REG4: variants seen among roughly 807,000 people sequenced by gnomAD.
REG4 encodes the protein regenerating islet-derived protein 4.
In REG4, 16 loss-of-function variants were observed where a neutral mutation model predicts 22.3. That is an observed-to-expected ratio of 0.72 (90% CI 0.49 to 1.09). The LOEUF is 1.09. REG4 is among the 50% of genes least tolerant of loss of function. The probability of loss-of-function intolerance (pLI) is 0.00; values close to 1 mark genes in which losing one functional copy is unlikely to be tolerated. For missense variants in REG4, 214 were observed against 193.9 expected (o/e 1.10, Z -0.61); for synonymous variants, 71 against 69.2 (o/e 1.03, Z -0.13).
chr1:119,808,606 G>A lies in REG4; in HGVS notation c.67+97C>T. 8 of 842,934 alleles carry A rather than the reference G, an allele frequency of 9.5e-6. No individual in the cohort carries two copies. The South Asian group carries it at 1.2e-4, about 13-fold the overall frequency. 52.2% of individuals were successfully genotyped at this position (842,934 alleles called of 1,614,324 possible). ...CATGTTTAAAAACCTATTTCCTGCA[G>A]TTCCTAAATGTTTTTGTGGGCAAAT... On this transcript the variant is annotated intron_variant, in intron 2 of 5. Transcript: ENST00000256585.
intron 3 of REG4, among the ~76,000 whole-genome samples, chr1:119,800,241 A>G (rs1654057098): frequency 6.6e-6 from 1 of 152,220 alleles, no homozygotes; most frequent in African/African-American, 2.4e-5. Context: ...GTATTATAGT[A>G]CTGCATTTCA....
intron 3 of REG4, among the ~76,000 whole-genome samples, chr1:119,800,101 C>T (rs587649935): frequency 7.9e-5 from 12 of 152,274 alleles, no homozygotes; most frequent in East Asian, 1.9e-4. Flanking sequence ...GGTCTGAGGA[C>T]GTGCCCGGGG....
chr1:119,803,183 G>T lies in REG4; in HGVS notation c.68-18C>A, dbSNP rs1571068350. ...GATGATATCTGCACATAAACAAAAG[G>T]CAATTGCACATTATGATAGCAAAAA... On this transcript the variant is annotated intron_variant, in intron 2 of 5. Transcript: ENST00000256585. The T allele has an allele frequency of 4.7e-6, 7 of 1,502,274 alleles. No individual in the cohort carries two copies. Among genetic ancestry groups the T allele is most frequent in the Non-Finnish European group, 6.2e-6 (7 of 1,126,194 alleles). The allele number at this position is 1,502,274 out of a possible 1,614,324, so 93.1% of individuals were successfully genotyped here. A position where few individuals can be genotyped will look rare whatever the true frequency, so the allele number is the denominator to read the frequency against.
In REG4 at chr1:119,800,046, G is replaced by A. The variant is rs587667632; in HGVS notation, c.166-184C>T. On this transcript the variant is annotated intron_variant, in intron 3 of 5. Transcript: ENST00000256585. ...AAAAAACACAACTGCTGCAGCGTTC[G>A]GTCTCAGAGAAAGAGGCAGTACAAG... 4.6e-5 allele frequency among the ~76,000 whole-genome samples: 7 copies of A among 152,258 alleles called. No homozygotes were observed. In the East Asian group the frequency reaches 7.7e-4, roughly 17 times the overall value.
At chr1:119,805,233 T>C (rs976046630) in intron 2 of REG4, among the ~76,000 whole-genome samples, 1 of 152,192 alleles carries the variant, frequency 6.6e-6, no homozygotes, top group African/African-American at 2.4e-5. Flanking sequence ...TGGCCATTGA[T>C]TACCAGAGGG....
intron 3 of REG4, chr1:119,802,240 T>C (rs1654131966): frequency 2.6e-6 from 2 of 783,584 alleles, no homozygotes; most frequent in African/African-American, 1.9e-5. Context: ...GGGAAAGTCA[T>C]TTATACTCAT....
At chr1:119,796,822 C>T (rs890582093) in intron 5 of REG4, among the ~76,000 whole-genome samples, 4 of 152,298 alleles carry the variant, frequency 2.6e-5, no homozygotes, top group South Asian at 2.1e-4. Context: ...GGCAACTTCG[C>T]TACTGAATTT....
intron 4 of REG4, among the ~76,000 whole-genome samples, chr1:119,799,413 C>T (rs1053167547): frequency 0.011 from 13 of 1,198 alleles, no homozygotes; most frequent in African/African-American, 0.052. Flanking sequence ...TGTGCGTACA[C>T]ACACACACAC....
intron 2 of REG4, among the ~76,000 whole-genome samples, chr1:119,805,294 GC>G (rs1194356265): frequency 6.6e-6 from 1 of 152,158 alleles, no homozygotes; most frequent in Non-Finnish European, 1.5e-5. Flanking sequence ...GCGAAAACAT[GC>G]CTTCCAATGT....
At position 119,809,049 on chromosome 1, in the gene REG4, G is replaced by A. The variant is rs1342855741; in HGVS notation, c.-94-186C>T. ...CTTACCTGCAAGACCTCCTGGGCCAGTGCCAGAGATCTAACTATAGCAGGC... is the reference window on the plus strand; with the variant it reads ...CTTACCTGCAAGACCTCCTGGGCCAATGCCAGAGATCTAACTATAGCAGGC... On this transcript the variant is annotated intron_variant, in intron 1 of 5. Coordinates refer to ENST00000256585, the MANE Select transcript of REG4 (RefSeq NM_032044.4). 1.2e-5 allele frequency: 4 copies of A among 345,616 alleles called. No homozygotes were observed. In the Admixed American group the frequency reaches 1.9e-4, roughly 16 times the overall value. The allele number at this position is 345,616 out of a possible 1,614,324, so 21.4% of individuals were successfully genotyped here.
chr1:119,799,415 C>CAT (rs1557760435), intron 4 of REG4, among the ~76,000 whole-genome samples: 1 of 1,684 alleles, frequency 5.9e-4, no homozygotes, highest in Admixed American at 3.3e-3. Flanking sequence ...TGCGTACACA[C>CAT]ACACACACAC....
Position 119,794,248 on chromosome 1 carries a change from A to G in REG4, c.*370T>C. On this transcript the variant is annotated 3_prime_UTR_variant, in exon 6 of 6. Coordinates refer to ENST00000256585, the MANE Select transcript of REG4 (RefSeq NM_032044.4). ...GAGGGCAGAAGGGTGTAGAAGCTGA[A>G]GGGGTCTAGAAGCTTACTCCTGAGT... is the stretch of plus-strand genomic sequence containing the variant. The G allele has an allele frequency of 1.8e-6, 1 of 546,596 alleles. No individual in the cohort carries two copies. The allele number at this position is 546,596 out of a possible 1,614,324, so 33.9% of individuals were successfully genotyped here.
At chr1:119,807,160 A>G (rs1654346267) in intron 2 of REG4, among the ~76,000 whole-genome samples, 1 of 152,250 alleles carries the variant, frequency 6.6e-6, no homozygotes, top group Non-Finnish European at 1.5e-5. Flanking sequence ...AGGTATCAGG[A>G]CAAAGAACTC....
chr1:119,808,884 G>GA (rs1203200088), intron 1 of REG4, 21 bp from the exon 2 acceptor site: 2 of 634,078 alleles, frequency 3.2e-6, no homozygotes, highest in African/African-American at 3.7e-5. Flanking sequence ...TTGCACAGGT[G>GA]AGAAGGACCC....
In REG4 at chr1:119,808,881, G is replaced by T; in HGVS notation, c.-94-18C>A. 1.6e-6 allele frequency: 1 copy of T among 644,982 alleles called. No individual in the cohort carries two copies. Among genetic ancestry groups the T allele is most frequent in the Non-Finnish European group, 2.7e-6 (1 of 370,328 alleles). The allele number at this position is 644,982 out of a possible 1,614,324, so 40.0% of individuals were successfully genotyped here. ...CTGCAAATCTGAACACATTTGCACAGGTGAGAAGGACCCAGGAATCTAGAT... is the reference window on the plus strand; with the variant it reads ...CTGCAAATCTGAACACATTTGCACATGTGAGAAGGACCCAGGAATCTAGAT... On this transcript the variant is annotated intron_variant, in intron 1 of 5. Transcript: ENST00000256585.
Position 119,794,400 on chromosome 1 carries a change from G to C in REG4, c.*218C>G, listed in dbSNP as rs1161068620. ...CAGGGGAGGAGGGAAGAAGGATACTGTGGAAAGGGATGGCGGGGCAAACAT... is the reference window on the plus strand; with the variant it reads ...CAGGGGAGGAGGGAAGAAGGATACTCTGGAAAGGGATGGCGGGGCAAACAT... On this transcript the variant is annotated 3_prime_UTR_variant, in exon 6 of 6. Transcript: ENST00000256585. 5 of 628,514 alleles carry C rather than the reference G, an allele frequency of 8.0e-6. No homozygotes were observed. Among genetic ancestry groups the C allele is most frequent in the Non-Finnish European group, 1.4e-5 (5 of 345,226 alleles). 38.9% of individuals were successfully genotyped at this position (628,514 alleles called of 1,614,324 possible). A position where few individuals can be genotyped will look rare whatever the true frequency, so the allele number is the denominator to read the frequency against.
chr1:119,797,374 T>A (rs1653964189), intron 5 of REG4, among the ~76,000 whole-genome samples: 1 of 152,132 alleles, frequency 6.6e-6, no homozygotes, highest in Non-Finnish European at 1.5e-5. Context: ...TTCCTCAGAG[T>A]GTGTCTCCTC....
At chr1:119,802,848 G>C (rs1279496271) in intron 3 of REG4, 1 of 1,541,440 alleles carries the variant, frequency 6.5e-7, no homozygotes, top group African/African-American at 1.4e-5. Flanking sequence ...GTATGTGCTT[G>C]TAGCCCATCT....
chr1:119,805,848 C>T (rs1654296241), intron 2 of REG4, among the ~76,000 whole-genome samples: 1 of 152,144 alleles, frequency 6.6e-6, no homozygotes, highest in South Asian at 2.1e-4. Context: ...CCCTCTGCCC[C>T]ACACTCTGCA....
Sources: allele counts gnomAD v4.1 joint callset (sites outside exome capture counted in the v4.1 genomes callset), GRCh38; gene constraint gnomAD v4.1.1; transcripts MANE v1.5; gene names NCBI Gene and HGNC (gene_info 2026-07-23, HGNC 2026-07-21).